The following GFOD1 variants were observed in gnomAD, a reference collection of about 807,000 sequenced individuals.
GFOD1 encodes glucose-fructose oxidoreductase domain-containing protein 1.
In GFOD1, 9 loss-of-function variants were observed where a neutral mutation model predicts 25.4. That is an observed-to-expected ratio of 0.35 (90% confidence interval 0.21 to 0.62). The LOEUF (loss-of-function observed/expected upper bound fraction) is 0.62. GFOD1 is among the 20% of genes least tolerant of loss of function. The pLI, the probability that GFOD1 is intolerant of heterozygous loss-of-function variation, is 0.72. For missense variants in GFOD1, 403 were observed against 556.9 expected (o/e 0.72, Z 2.78); for synonymous variants, 253 against 245.6 (o/e 1.03, Z -0.28).
intron 1 of GFOD1, among the ~76,000 whole-genome samples, chr6:13,452,240 G>A (rs1280419518): frequency 6.6e-6 from 1 of 152,172 alleles, no homozygotes; most frequent in Non-Finnish European, 1.5e-5. Context: ...GGGTCAACTG[G>A]AGACACTGGC....
intron 1 of GFOD1, chr6:13,485,985 C>T (rs183574087): frequency 9.7e-4 from 949 of 976,152 alleles, no homozygotes; most frequent in Non-Finnish European, 1.1e-3. Flanking sequence ...TCATCACCCC[C>T]ATCCAACCAC....
chr6:13,384,552 C>T (rs971049305), intron 1 of GFOD1, among the ~76,000 whole-genome samples: 3 of 152,182 alleles, frequency 2.0e-5, no homozygotes, highest in African/African-American at 7.2e-5. Flanking sequence ...TTGGTGTCTC[C>T]TCTGCATACT....
intron 1 of GFOD1, among the ~76,000 whole-genome samples, chr6:13,437,310 C>A (rs527311264): frequency 2.6e-4 from 40 of 152,278 alleles, no homozygotes; most frequent in African/African-American, 7.7e-4. Flanking sequence ...CTAACCACAG[C>A]AAATGTAGGA....
intron 1 of GFOD1, among the ~76,000 whole-genome samples, chr6:13,390,775 GAGAGA>G (rs1785579428): frequency 8.4e-6 from 1 of 118,378 alleles, no homozygotes; most frequent in African/African-American, 5.1e-5. Flanking sequence ...GAGAGAGAGA[GAGAGA>G]AAGGAAGGAA....
rs1562193076 is a variant in GFOD1 at position 13,365,555 on chromosome 6, C to T, written c.361G>A (p.Val121Met). 2.5e-6 allele frequency: 4 copies of T among 1,611,124 alleles called. No individual in the cohort carries two copies. Among genetic ancestry groups the T allele is most frequent in the Non-Finnish European group, 3.4e-6 (4 of 1,179,960 alleles). The change falls in exon 2 of 2, where the codon GTG becomes ATG. Residue 121 changes from valine to methionine, a missense_variant. Physicochemically the swap from Val to Met is conservative, Grantham distance 21. Coordinates refer to ENST00000379287, the MANE Select transcript of GFOD1 (RefSeq NM_018988.4). This position sits in a 1 kb window ranked among gnomAD's most constrained non-coding sequence, Gnocchi z 9.2. Reference sequence around the variant, plus strand: ...ACGAAAGCCGGCAGGAAGCGCAGCACGTTGCCCATGATGCTCATGAGCTTG... The same window carrying T: ...ACGAAAGCCGGCAGGAAGCGCAGCATGTTGCCCATGATGCTCATGAGCTTG... ...YPKLMSIMGN[V>M]LRFLPAFVRM...
chr6:13,451,427 C>A (rs1758096983), intron 1 of GFOD1, among the ~76,000 whole-genome samples: 1 of 152,174 alleles, frequency 6.6e-6, no homozygotes, highest in Admixed American at 6.5e-5. Context: ...CCATCGCCAG[C>A]AGTTCAGTCA....
At chr6:13,387,185 C>T (rs1022008729) in intron 1 of GFOD1, among the ~76,000 whole-genome samples, 2 of 152,170 alleles carry the variant, frequency 1.3e-5, no homozygotes, top group African/African-American at 4.8e-5. Context: ...TAATACTTCT[C>T]AGAGCCATTA....
At chr6:13,401,704 G>A (rs1030671257) in intron 1 of GFOD1, among the ~76,000 whole-genome samples, 4 of 152,178 alleles carry the variant, frequency 2.6e-5, no homozygotes, top group South Asian at 2.1e-4. Context: ...GACATCCTGC[G>A]TCCATGGATC....
intron 1 of GFOD1, among the ~76,000 whole-genome samples, chr6:13,401,506 A>G (rs1785844045): frequency 6.6e-6 from 1 of 152,212 alleles, no homozygotes; most frequent in Non-Finnish European, 1.5e-5. Flanking sequence ...TTTATGGATA[A>G]TGGGGCACTA....
At chr6:13,467,995 T>C (rs1469587635) in intron 1 of GFOD1, among the ~76,000 whole-genome samples, 2 of 152,228 alleles carry the variant, frequency 1.3e-5, no homozygotes, top group African/African-American at 2.4e-5. Context: ...GATCACAGAA[T>C]ATAAGAACTG....
intron 1 of GFOD1, among the ~76,000 whole-genome samples, chr6:13,481,685 C>A (rs564008714): frequency 2.2e-4 from 33 of 152,222 alleles, no homozygotes; most frequent in Non-Finnish European, 4.1e-4. Context: ...CTTGGGGACA[C>A]AAAGGTGAGT....
At chr6:13,393,782 T>TTTC (rs1466962812) in intron 1 of GFOD1, among the ~76,000 whole-genome samples, 250 of 129,024 alleles carry the variant, frequency 1.9e-3, no homozygotes, top group Non-Finnish European at 3.1e-3. Context: ...TTTCTTTTCT[T>TTTC]TTTTTTTTTT....
intron 1 of GFOD1, among the ~76,000 whole-genome samples, chr6:13,464,055 GAA>G (rs1171737329): frequency 6.6e-6 from 1 of 152,208 alleles, no homozygotes; most frequent in Non-Finnish European, 1.5e-5. Flanking sequence ...GTCAGGGTCA[GAA>G]AAAGTTACTC....
chr6:13,420,130 ATCC>A (rs1786229179), intron 1 of GFOD1, among the ~76,000 whole-genome samples: 1 of 133,916 alleles, frequency 7.5e-6, no homozygotes, highest in African/African-American at 3.0e-5. Context: ...CTCGCATGGG[ATCC>A]GTGCCTTTGA....
At chr6:13,382,355 G>T (rs1174976469) in intron 1 of GFOD1, among the ~76,000 whole-genome samples, 2 of 151,488 alleles carry the variant, frequency 1.3e-5, no homozygotes, top group South Asian at 4.2e-4. Context: ...CATGGGGGGG[G>T]GGGTTCTTTT....
At chr6:13,459,194 A>G (rs1758247465) in intron 1 of GFOD1, among the ~76,000 whole-genome samples, 1 of 152,112 alleles carries the variant, frequency 6.6e-6, no homozygotes, top group Middle Eastern at 3.2e-3. Flanking sequence ...GATCTCAGAA[A>G]TAAGACCACA....
chr6:13,367,761 GAAA>G (rs57171484), intron 1 of GFOD1, among the ~76,000 whole-genome samples: 3 of 130,638 alleles, frequency 2.3e-5, no homozygotes, highest in African/African-American at 8.0e-5. Context: ...TGGAGGGCAA[GAAA>G]AAAAAAAAAA....
intron 1 of GFOD1, among the ~76,000 whole-genome samples, chr6:13,421,923 G>A (rs1431549873): frequency 6.6e-6 from 1 of 152,204 alleles, no homozygotes; most frequent in African/African-American, 2.4e-5. Flanking sequence ...AGCAACGGCT[G>A]CGTTTTATCT....
chr6:13,360,479 A>G lies in GFOD1; in HGVS notation c.*4264T>C. ...ACTTTAAAGCCCCACTCCCTGAGAA[A>G]GGACATTTTCCTACGTTATATTCAG... On this transcript the variant is annotated 3_prime_UTR_variant, in exon 2 of 2. Coordinates refer to ENST00000379287, the MANE Select transcript of GFOD1 (RefSeq NM_018988.4). The G allele has an allele frequency of 2.9e-6, 1 of 348,690 alleles. No homozygotes were observed. The highest frequency in any genetic ancestry group is 5.7e-6 in the Non-Finnish European group (1 of 175,938). The allele number at this position is 348,690 out of a possible 1,614,324, so 21.6% of individuals were successfully genotyped here.
Sources: allele counts gnomAD v4.1 joint callset (sites outside exome capture counted in the v4.1 genomes callset), GRCh38; gene constraint gnomAD v4.1.1; non-coding constraint Gnocchi (gnomAD v3.1); transcripts MANE v1.5; gene names NCBI Gene and HGNC (gene_info 2026-07-23, HGNC 2026-07-21).